Variants in SPHKAP observed in about 807,000 individuals in gnomAD.
The protein encoded by SPHKAP is SPHK1 interactor, AKAP domain containing, also known as A-kinase anchor protein SPHKAP.
SPHKAP carries 67 observed loss-of-function variants against 137.5 expected under a neutral mutation model. The observed-to-expected ratio is 0.49, with a 90% CI of 0.40 to 0.60. SPHKAP has a LOEUF of 0.60. SPHKAP is among the 20% of genes least tolerant of loss of function. The pLI, the probability that SPHKAP is intolerant of heterozygous loss-of-function variation, is 0.00. For missense variants in SPHKAP, 2,097 were observed against 2,069.3 expected, an observed-to-expected ratio of 1.01 and a Z score of -0.26; for synonymous variants, 813 against 785.3, an observed-to-expected ratio of 1.04 and a Z score of -0.59.
At chr2:228,167,235 C>T (rs139471921) in intron 1 of SPHKAP, among the ~76,000 whole-genome samples, 8 of 152,202 alleles carry the variant, frequency 5.3e-5, no homozygotes, top group East Asian at 3.9e-4. Context: ...CTTTTTATAA[C>T]GATCCATGTG....
chr2:227,990,122 C>T (rs182387329), intron 11 of SPHKAP, among the ~76,000 whole-genome samples: 2 of 152,190 alleles, frequency 1.3e-5, no homozygotes, highest in Admixed American at 1.3e-4. Context: ...GCACAACAAT[C>T]TGAACAAGCT....
At chr2:228,046,598 A>T (rs952626059) in intron 3 of SPHKAP, among the ~76,000 whole-genome samples, 1 of 152,250 alleles carries the variant, frequency 6.6e-6, no homozygotes, top group East Asian at 1.9e-4. Context: ...AGGATAGGGA[A>T]CTGAGTTTTT....
In SPHKAP at chr2:227,981,913, C is replaced by T. The variant is rs1398975179; in HGVS notation, c.4960-53G>A. 6 of 1,561,518 alleles carry T rather than the reference C, an allele frequency of 3.8e-6. No homozygotes were observed. The Admixed American group carries it at 1.2e-4, about 30-fold the overall frequency. ...ACAGAGCACAGAGGGTCCTCAAAGC[C>T]ACCTCATTCAACCACCCTCGCGAAG... is the stretch of plus-strand genomic sequence containing the variant. On this transcript the variant is annotated intron_variant, in intron 11 of 11. Coordinates refer to ENST00000392056, the MANE Select transcript of SPHKAP (RefSeq NM_001142644.2).
intron 3 of SPHKAP, among the ~76,000 whole-genome samples, chr2:228,054,542 G>A (rs771007873): frequency 6.6e-6 from 1 of 152,080 alleles, no homozygotes; most frequent in African/African-American, 2.4e-5. Flanking sequence ...TAATTTAGTT[G>A]TCCTCAACTG....
intron 3 of SPHKAP, among the ~76,000 whole-genome samples, chr2:228,040,450 C>T (rs767407301): frequency 3.3e-5 from 5 of 152,122 alleles, no homozygotes; most frequent in Non-Finnish European, 7.3e-5. Context: ...GTGGACATTC[C>T]GGAATACATT....
chr2:228,124,421 A>G (rs1420186491), intron 2 of SPHKAP, among the ~76,000 whole-genome samples: 1 of 152,096 alleles, frequency 6.6e-6, no homozygotes, highest in Non-Finnish European at 1.5e-5. Flanking sequence ...TGATGAGTTC[A>G]TGTCCTTTGT....
intron 1 of SPHKAP, among the ~76,000 whole-genome samples, chr2:228,160,802 A>C (rs1700252074): frequency 6.6e-6 from 1 of 152,190 alleles, no homozygotes; most frequent in African/African-American, 2.4e-5. Flanking sequence ...CAGTGCTCTG[A>C]ACTCAGTGTC....
In SPHKAP at chr2:228,016,463, T is replaced by G. The variant is rs764419371; in HGVS notation, c.4391A>C (p.Asn1464Thr). The G allele has an allele frequency of 6.2e-7, 1 of 1,612,308 alleles. No individual in the cohort carries two copies. The highest frequency in any genetic ancestry group is 1.7e-5 in the Admixed American group (1 of 59,596). Residue 1464 changes from asparagine (N) to threonine (T), a missense_variant, in exon 7 of 12, where the codon AAC becomes ACC. Coordinates refer to ENST00000392056, the MANE Select transcript of SPHKAP (RefSeq NM_001142644.2). ...EEAEGHSNDK[N>T]IPDVVRGGDT... ...TCCACCTCTCACCACATCTGGGATG[T>G]TTTTGTCATTCGAATGCCCTTCTGC...
At chr2:228,122,653 C>CTGGTTGCCTT (rs1559185494) in intron 2 of SPHKAP, among the ~76,000 whole-genome samples, 5 of 152,150 alleles carry the variant, frequency 3.3e-5, no homozygotes, top group Non-Finnish European at 2.9e-5. Context: ...CTGCGTGGAC[C>CTGGTTGCCTT]TGGTTGCCTT....
At chr2:228,115,059 G>A (rs187733060) in intron 2 of SPHKAP, among the ~76,000 whole-genome samples, 54 of 152,182 alleles carry the variant, frequency 3.5e-4, no homozygotes, top group African/African-American at 1.3e-3. Flanking sequence ...GATGTATCAG[G>A]GCAGGTGGAG....
intron 3 of SPHKAP, among the ~76,000 whole-genome samples, chr2:228,093,859 C>CAAAAA (rs11336381): frequency 0.021 from 1,600 of 77,180 alleles, 213 homozygotes; most frequent in Middle Eastern, 0.05. Flanking sequence ...GACTCCGTTT[C>CAAAAA]AAAAAAAAAA....
At position 227,993,528 on chromosome 2, in the gene SPHKAP, A is replaced by G; in HGVS notation, c.4721+6T>C. The G allele has an allele frequency of 6.3e-7, 1 of 1,595,960 alleles. No homozygotes were observed. Among genetic ancestry groups the G allele is most frequent in the Non-Finnish European group, 8.5e-7 (1 of 1,170,734 alleles). Reference sequence around the variant, plus strand: ...TCACAATCACTGCATCTCAGTGGCTACTTACTTAATCATGGGAGAAGATGG... The same window carrying G: ...TCACAATCACTGCATCTCAGTGGCTGCTTACTTAATCATGGGAGAAGATGG... On this transcript the variant is annotated splice_donor_region_variant and intron_variant, in intron 9 of 11. Transcript: ENST00000392056.
At chr2:228,139,221 C>A (rs943320499) in intron 1 of SPHKAP, among the ~76,000 whole-genome samples, 4 of 152,080 alleles carry the variant, frequency 2.6e-5, no homozygotes, top group African/African-American at 9.7e-5. Context: ...CTTTTTTCAA[C>A]AATAGCCAAT....
At chr2:228,005,971 C>T (rs926769030) in intron 7 of SPHKAP, among the ~76,000 whole-genome samples, 4 of 152,190 alleles carry the variant, frequency 2.6e-5, no homozygotes, top group African/African-American at 9.7e-5. Flanking sequence ...CTGCCCTTAA[C>T]ATTTTTTCCT....
At chr2:228,062,761 C>T (rs2057744518) in intron 3 of SPHKAP, among the ~76,000 whole-genome samples, 1 of 151,986 alleles carries the variant, frequency 6.6e-6, no homozygotes, top group South Asian at 2.1e-4. Flanking sequence ...AGAAATAATC[C>T]ATCATGAAGA....
chr2:228,036,090 C>G (rs1342492600), intron 3 of SPHKAP, among the ~76,000 whole-genome samples: 2 of 150,082 alleles, frequency 1.3e-5, no homozygotes, highest in Non-Finnish European at 3.0e-5. Context: ...TCAGAGTGAA[C>G]AGGCAACCTA....
At chr2:228,020,207 C>T (rs1694786153) in intron 6 of SPHKAP, 51 bp from the exon 7 acceptor site, 1 of 1,526,442 alleles carries the variant, frequency 6.6e-7, no homozygotes, top group South Asian at 1.3e-5. Context: ...AGCAGGTTAC[C>T]ATAAGTCTTA....
chr2:228,039,448 T>A (rs573785948), intron 3 of SPHKAP, among the ~76,000 whole-genome samples: 2 of 152,326 alleles, frequency 1.3e-5, no homozygotes, highest in South Asian at 2.1e-4. Context: ...CAGTTTTTTT[T>A]AGTATTATGG....
chr2:228,150,400 T>G (rs1454178083), intron 1 of SPHKAP, among the ~76,000 whole-genome samples: 1 of 152,186 alleles, frequency 6.6e-6, no homozygotes, highest in Non-Finnish European at 1.5e-5. Flanking sequence ...CAAAGCTATC[T>G]GGGAGTAGAA....
Sources: gnomAD v4.1 joint callset for allele counts (sites outside exome capture counted in the v4.1 genomes callset) on GRCh38, gnomAD v4.1.1 for gene constraint, MANE v1.5 for transcripts, NCBI Gene and HGNC (gene_info 2026-07-23, HGNC 2026-07-21) for gene names.